The following MYO1H variants were observed in gnomAD, a reference collection of about 807,000 sequenced individuals.
MYO1H encodes the protein myosin IH.
A neutral mutation model predicts 149.3 loss-of-function variants in MYO1H; 118 were observed. The observed-to-expected ratio is 0.79, with a 90% CI of 0.68 to 0.92. The LOEUF is 0.92. MYO1H is among the 40% of genes least tolerant of loss of function. The pLI is 0.00. For synonymous variants in MYO1H, 447 were observed against 465.2 expected, an observed-to-expected ratio of 0.96 and a Z score of 0.50; for missense variants, 1,212 against 1,280.7, an observed-to-expected ratio of 0.95 and a Z score of 0.82.
intron 21 of MYO1H, 135 bp downstream of exon 21, chr12:109,435,248 A>T (rs1871811329): frequency 3.3e-6 from 2 of 605,804 alleles, no homozygotes; most frequent in Non-Finnish European, 5.7e-6. Flanking sequence ...GAGATATGGG[A>T]TTATGATAAG....
intron 30 of MYO1H, among the ~76,000 whole-genome samples, chr12:109,444,867 C>CAA (rs57782261): frequency 1.1e-3 from 146 of 136,942 alleles, no homozygotes; most frequent in African/African-American, 2.7e-3. Context: ...GACAATGTCT[C>CAA]AAAAAAAAAA....
chr12:109,388,188 A>T (rs1311678765), intron 1 of MYO1H, among the ~76,000 whole-genome samples: 2 of 149,528 alleles, frequency 1.3e-5, no homozygotes, highest in African/African-American at 5.1e-5. Context: ...AATTAATTTT[A>T]AAAAAAGAAA....
chr12:109,320,065 G>C, the MYO1H span, among the ~76,000 whole-genome samples: 31 of 152,110 alleles, frequency 2.0e-4, no homozygotes, highest in African/African-American at 7.5e-4. Context: ...TGTAATCCCA[G>C]TGCTTTAGGA....
At chr12:109,384,882 A>G (rs1234917007) in intron 1 of MYO1H, among the ~76,000 whole-genome samples, 1 of 152,202 alleles carries the variant, frequency 6.6e-6, no homozygotes, top group African/African-American at 2.4e-5. Flanking sequence ...GTGCAGCTCC[A>G]GACATTATTT....
the MYO1H span, among the ~76,000 whole-genome samples, chr12:109,318,992 T>TTTTTG: frequency 6.8e-6 from 1 of 147,520 alleles, no homozygotes; most frequent in African/African-American, 2.5e-5. Context: ...TTTTTTTTTT[T>TTTTTG]TTGCAACTTT....
chr12:109,445,269 T>G, intron 30 of MYO1H: 1 of 414,574 alleles, frequency 2.4e-6, no homozygotes, highest in South Asian at 3.7e-5. Flanking sequence ...TCCATAGACA[T>G]CAACTGACCC....
chr12:109,322,439 A>G, the MYO1H span, among the ~76,000 whole-genome samples: 1 of 152,096 alleles, frequency 6.6e-6, no homozygotes, highest in African/African-American at 2.4e-5. Context: ...TGATTTATAC[A>G]TATTTTCAGT....
exon 15 of MYO1H, chr12:109,415,602 G>A: frequency 6.2e-7 from 1 of 1,602,568 alleles, no homozygotes; most frequent in Non-Finnish European, 8.5e-7. Flanking sequence ...TGCAGGAGAG[G>A]TCACATACTG....
At chr12:109,435,087 C>G (rs1380668232) in exon 21 of MYO1H, 4 of 1,608,796 alleles carry the variant, frequency 2.5e-6, no homozygotes, top group Non-Finnish European at 3.4e-6. Context: ...ACCGAAGATG[C>G]CTTTGAATTT....
Position 109,443,391 on chromosome 12 carries a change from C to T in MYO1H, c.2689-123C>T, listed in dbSNP as rs1017089586. 35 of 941,842 alleles carry T rather than the reference C, an allele frequency of 3.7e-5. 1 individual carries two copies. The highest frequency in any genetic ancestry group is 5.4e-5 in the East Asian group (2 of 36,986). 58.3% of individuals were successfully genotyped at this position (941,842 alleles called of 1,614,324 possible). ...ACACACACACACACACACACACACA[C>T]ACATACACGCAAAATCTGTTTGAGC... On this transcript the variant is annotated intron_variant, in intron 27 of 31. Transcript: ENST00000310903.
At chr12:109,318,960 G>GTT in the MYO1H span, among the ~76,000 whole-genome samples, 58 of 77,922 alleles carry the variant, frequency 7.4e-4, 2 homozygotes, top group African/African-American at 3.2e-3. Context: ...AACTCTCTGC[G>GTT]TTTTTGGTTT....
chr12:109,378,324 T>A (rs1869128681), intron 1 of MYO1H, among the ~76,000 whole-genome samples: 1 of 148,126 alleles, frequency 6.8e-6, no homozygotes, highest in African/African-American at 2.6e-5. Flanking sequence ...TTTTTATTTA[T>A]TTATTTATTT....
the MYO1H span, among the ~76,000 whole-genome samples, chr12:109,315,711 C>T: frequency 6.6e-6 from 1 of 152,226 alleles, no homozygotes; most frequent in Non-Finnish European, 1.5e-5. Context: ...TGCCCCAGAC[C>T]CTACCAGTCC....
intron 3 of MYO1H, 30 bp downstream of exon 3, chr12:109,393,476 G>C: frequency 6.8e-7 from 1 of 1,466,678 alleles, no homozygotes; most frequent in South Asian, 1.2e-5. Context: ...TCATCACTAG[G>C]AGGATTTTTC....
intron 15 of MYO1H, among the ~76,000 whole-genome samples, chr12:109,416,210 C>G (rs1166161138): frequency 6.6e-6 from 1 of 152,076 alleles, no homozygotes; most frequent in African/African-American, 2.4e-5. Flanking sequence ...GTGTGAGCCA[C>G]CATGCCTGGC....
In MYO1H at chr12:109,425,945, G is replaced by T. The variant is rs754110112; in HGVS notation, c.1726-1G>T. On this transcript the variant is annotated splice_acceptor_variant, in intron 17 of 31. Transcript: ENST00000310903. LOFTEE classifies it high-confidence loss of function. ...CTCTCTCTTTCTCTCTCTCTCTGCA[G>T]GTGGGGACTCAGTTTAAAAACAGTC... 6 of 1,607,058 alleles carry T rather than the reference G, an allele frequency of 3.7e-6. No homozygotes were observed. The African/African-American group carries it at 6.7e-5, about 18-fold the overall frequency.
At chr12:109,349,205 A>T (rs1270447975) in intron 1 of MYO1H, among the ~76,000 whole-genome samples, 1 of 152,178 alleles carries the variant, frequency 6.6e-6, no homozygotes, top group Non-Finnish European at 1.5e-5. Flanking sequence ...GCCTTTTTTT[A>T]AATTGTCATG....
the MYO1H span, among the ~76,000 whole-genome samples, chr12:109,342,336 G>T: frequency 1.3e-5 from 2 of 151,682 alleles, no homozygotes; most frequent in Non-Finnish European, 2.9e-5. Flanking sequence ...GTAGAGATGG[G>T]GTTTCACCAT....
At chr12:109,333,320 CA>C in the MYO1H span, among the ~76,000 whole-genome samples, 3 of 147,354 alleles carry the variant, frequency 2.0e-5, no homozygotes, top group Admixed American at 6.8e-5. Context: ...AACTCTGTCT[CA>C]AAAAAAAAAG....
Sources: gnomAD v4.1 joint callset for allele counts (sites outside exome capture counted in the v4.1 genomes callset) on GRCh38, gnomAD v4.1.1 for gene constraint, MANE v1.5 for transcripts, NCBI Gene and HGNC (gene_info 2026-07-23, HGNC 2026-07-21) for gene names.